The following IL1RAPL2 variants were observed in gnomAD, a reference collection of about 807,000 sequenced individuals.
The protein encoded by IL1RAPL2 is X-linked interleukin-1 receptor accessory protein-like 2.
Under a neutral mutation model 44.1 loss-of-function variants are expected in IL1RAPL2, and 3 were observed. The observed-to-expected ratio is 0.07, with a 90% CI of 0.03 to 0.18. IL1RAPL2 has a LOEUF of 0.18. Among genes scored for constraint, IL1RAPL2 ranks in the 10% least tolerant of loss-of-function variants. IL1RAPL2 has a pLI of 1.00. For synonymous variants in IL1RAPL2, 181 were observed against 178.8 expected (o/e 1.01, Z -0.10); for missense variants, 391 against 496.4 (o/e 0.79, Z 2.02).
At chrX:105,295,366 T>A (rs751237890) in intron 5 of IL1RAPL2, among the ~76,000 whole-genome samples, 1 of 111,739 alleles carries the variant, frequency 8.9e-6, no homozygotes, top group East Asian at 2.8e-4. Flanking sequence ...TAAAAGCATT[T>A]AAAAGAAACA....
At chrX:105,144,094 GGTGT>G (rs762069943) in intron 2 of IL1RAPL2, among the ~76,000 whole-genome samples, 8,962 of 79,388 alleles carry the variant, frequency 0.11, 953 homozygotes, top group African/African-American at 0.34. Flanking sequence ...TCAACAGATG[GGTGT>G]GTGTGTGTGT....
chrX:105,688,695 C>CT (rs2038007076), intron 6 of IL1RAPL2, among the ~76,000 whole-genome samples: 1 of 111,957 alleles, frequency 8.9e-6, no homozygotes, highest in Admixed American at 9.5e-5. Flanking sequence ...CTACCAATGA[C>CT]TTTCTTCACA....
chrX:104,712,968 T>A (rs903096887), intron 2 of IL1RAPL2, among the ~76,000 whole-genome samples: 1 of 111,043 alleles, frequency 9.0e-6, no homozygotes, highest in Non-Finnish European at 1.9e-5. Flanking sequence ...AACAGGTCCA[T>A]AGGCAAAAGC....
Position 105,311,641 on chromosome X carries a change from C to CAT in IL1RAPL2, c.697+44116_697+44117dup, listed in dbSNP as rs111798589. Among the ~76,000 whole-genome samples, 230 of 101,484 alleles carry CAT rather than the reference C, an allele frequency of 2.3e-3. 2 individuals carry two copies. The highest frequency in any genetic ancestry group is 5.3e-3 in the Middle Eastern group (1 of 188). 88.1% of individuals were successfully genotyped at this position (101,484 alleles called of 115,157 possible). A position where few individuals can be genotyped will look rare whatever the true frequency, so the allele number is the denominator to read the frequency against. ...ACACACACACACACACACACACACA[C>CAT]ATATATATATATATATACACACAGA... is the stretch of plus-strand genomic sequence containing the variant. On this transcript the variant is annotated intron_variant, in intron 5 of 10. Coordinates refer to ENST00000372582, the MANE Select transcript of IL1RAPL2 (RefSeq NM_017416.2).
rs1350877041 is a variant in IL1RAPL2, at chrX:105,178,038, C to A, written c.83-17437C>A. Among the ~76,000 whole-genome samples, 4 of 111,826 alleles carry A rather than the reference C, an allele frequency of 3.6e-5. No individual in the cohort carries two copies. In the East Asian group the frequency reaches 1.1e-3, roughly 32 times the overall value. On this transcript the variant is annotated intron_variant, in intron 2 of 10. Transcript: ENST00000372582. ...GAAATACAAAATACATTGTTTTTAG[C>A]TATAGTCACCTTATTCTGCTATGAA...
chrX:104,948,058 A>G (rs201327857), intron 2 of IL1RAPL2, among the ~76,000 whole-genome samples: 13,785 of 108,971 alleles, frequency 0.13, 1,027 homozygotes, highest in Non-Finnish European at 0.19. Context: ...AGCATGGAAT[A>G]TTCTTCCATT....
chrX:104,951,145 C>T (rs975578354), intron 2 of IL1RAPL2, among the ~76,000 whole-genome samples: 4 of 112,082 alleles, frequency 3.6e-5, no homozygotes, highest in African/African-American at 1.3e-4. Flanking sequence ...TCTTCTGCGT[C>T]ACTCACGCTG....
chrX:104,892,197 C>T (rs961678163), intron 2 of IL1RAPL2, among the ~76,000 whole-genome samples: 2 of 111,403 alleles, frequency 1.8e-5, no homozygotes, highest in South Asian at 3.8e-4. Flanking sequence ...TTCGGTTTGC[C>T]AGTATTTTAT....
intron 2 of IL1RAPL2, among the ~76,000 whole-genome samples, chrX:104,846,484 C>T (rs1402736407): frequency 3.6e-5 from 4 of 110,860 alleles, no homozygotes; most frequent in Non-Finnish European, 7.6e-5. Flanking sequence ...GCTGAGAATG[C>T]TGGTTTCCAG....
intron 2 of IL1RAPL2, among the ~76,000 whole-genome samples, chrX:104,895,813 C>A (rs1475820609): frequency 2.7e-5 from 3 of 111,841 alleles, no homozygotes; most frequent in Non-Finnish European, 5.6e-5. Flanking sequence ...GTCGGACAAG[C>A]CCCAGTGAGA....
At chrX:105,075,328 A>G (rs1213197465) in intron 2 of IL1RAPL2, among the ~76,000 whole-genome samples, 2 of 111,878 alleles carry the variant, frequency 1.8e-5, no homozygotes, top group Non-Finnish European at 3.8e-5. Context: ...GGTTCTGTTT[A>G]TATGCTGGAT....
At position 105,767,514 on chromosome X, in the gene IL1RAPL2, C is replaced by T; in HGVS notation, c.1914C>T (p.His638=). ...TTLPVPSLGN[H]HTYCNLPLTL... ...TGCCAGTACCTTCCTTAGGCAACCACCATACTTATTGTAACCTGCCTCTGA... is the reference window on the plus strand; with the variant it reads ...TGCCAGTACCTTCCTTAGGCAACCATCATACTTATTGTAACCTGCCTCTGA... Residue 638 remains histidine, a synonymous_variant, in exon 11 of 11, where the codon CAC becomes CAT. Coordinates refer to ENST00000372582, the MANE Select transcript of IL1RAPL2 (RefSeq NM_017416.2). 1 of 1,211,244 alleles carries T rather than the reference C, an allele frequency of 8.3e-7. No individual in the cohort carries two copies. The highest frequency in any genetic ancestry group is 1.1e-6 in the Non-Finnish European group (1 of 895,060).
intron 1 of IL1RAPL2, among the ~76,000 whole-genome samples, chrX:104,650,199 G>T (rs1223022382): frequency 9.0e-6 from 1 of 111,315 alleles, no homozygotes; most frequent in East Asian, 2.8e-4. Flanking sequence ...TATAGCCATG[G>T]CAGGGGGGAA....
intron 6 of IL1RAPL2, among the ~76,000 whole-genome samples, chrX:105,505,746 A>G (rs1350982045): frequency 1.8e-5 from 2 of 111,629 alleles, no homozygotes; most frequent in African/African-American, 6.5e-5. Context: ...GATGTAATTT[A>G]TGTACATTTA....
intron 2 of IL1RAPL2, among the ~76,000 whole-genome samples, chrX:105,029,968 A>G: frequency 9.0e-6 from 1 of 111,418 alleles, no homozygotes; most frequent in Non-Finnish European, 1.9e-5. Context: ...ATGGTATCTC[A>G]TTGTGGTTTT....
intron 6 of IL1RAPL2, among the ~76,000 whole-genome samples, chrX:105,711,772 A>T: frequency 8.9e-6 from 1 of 111,988 alleles, no homozygotes; most frequent in South Asian, 3.7e-4. Flanking sequence ...TCTACTTCCA[A>T]AATACAATAG....
intron 2 of IL1RAPL2, among the ~76,000 whole-genome samples, chrX:105,047,552 T>G (rs1408176284): frequency 1.8e-5 from 2 of 111,741 alleles, no homozygotes; most frequent in African/African-American, 3.3e-5. Flanking sequence ...GTCCAGCTGT[T>G]AATGATGCAG....
chrX:105,189,991 A>G (rs1602999381), intron 2 of IL1RAPL2, among the ~76,000 whole-genome samples: 1 of 112,341 alleles, frequency 8.9e-6, no homozygotes, highest in African/African-American at 3.2e-5. Context: ...GAATTCTGCC[A>G]CTACAACTTG....
At chrX:104,896,027 G>A in intron 2 of IL1RAPL2, among the ~76,000 whole-genome samples, 1 of 111,744 alleles carries the variant, frequency 8.9e-6, no homozygotes, top group Non-Finnish European at 1.9e-5. Flanking sequence ...CTTCTTAGGG[G>A]AGGAGTGTTG....
Sources: gnomAD v4.1 joint callset for allele counts (sites outside exome capture counted in the v4.1 genomes callset) on GRCh38, gnomAD v4.1.1 for gene constraint, MANE v1.5 for transcripts, NCBI Gene and HGNC (gene_info 2026-07-23, HGNC 2026-07-21) for gene names.